The following AGBL1 variants were observed in gnomAD, a reference collection of about 807,000 sequenced individuals.
AGBL1 encodes AGBL carboxypeptidase 1.
Under a neutral mutation model 118.9 loss-of-function variants are expected in AGBL1, and 130 were observed. That is an observed-to-expected ratio of 1.09 (90% CI 0.95 to 1.26). The LOEUF (loss-of-function observed/expected upper bound fraction) is 1.26. Among genes scored for constraint, AGBL1 ranks in the 50% most tolerant of loss-of-function variants. The pLI, the probability that AGBL1 is intolerant of heterozygous loss-of-function variation, is 0.00. For synonymous variants in AGBL1, 555 were observed against 478.9 expected (o/e 1.16, Z -2.08); for missense variants, 1,584 against 1,298.1 (o/e 1.22, Z -3.38).
chr15:86,659,121 G>T (rs895034885), intron 21 of AGBL1, among the ~76,000 whole-genome samples: 1 of 152,046 alleles, frequency 6.6e-6, no homozygotes, highest in Non-Finnish European at 1.5e-5. Context: ...CCTAAAAAGG[G>T]TCATTGAAGG....
intron 22 of AGBL1, among the ~76,000 whole-genome samples, chr15:86,897,585 C>T (rs565189942): frequency 1.3e-5 from 2 of 151,514 alleles, no homozygotes; most frequent in South Asian, 4.2e-4. Flanking sequence ...TTTCTTATTC[C>T]TTGGATATGT....
intron 24 of AGBL1, among the ~76,000 whole-genome samples, chr15:86,999,027 C>T (rs1014595555): frequency 2.7e-5 from 4 of 150,850 alleles, no homozygotes; most frequent in Admixed American, 6.6e-5. Flanking sequence ...CATAGCAGGC[C>T]CTGGTGTGTG....
chr15:86,198,324 A>C (rs1201595902), intron 5 of AGBL1, among the ~76,000 whole-genome samples: 1 of 152,198 alleles, frequency 6.6e-6, no homozygotes, highest in African/African-American at 2.4e-5. Context: ...TTGTATTCTG[A>C]ATACAATTGT....
At chr15:86,471,418 G>A (rs7174126) in intron 18 of AGBL1, among the ~76,000 whole-genome samples, 1 of 151,184 alleles carries the variant, frequency 6.6e-6, no homozygotes, top group Admixed American at 6.6e-5. Flanking sequence ...GTGTTTGACT[G>A]TTTCAATGTG....
chr15:86,727,228 A>T (rs1314625976), intron 22 of AGBL1, among the ~76,000 whole-genome samples: 1 of 152,128 alleles, frequency 6.6e-6, no homozygotes, highest in Admixed American at 6.5e-5. Context: ...ACATCCTGCC[A>T]TACTCAGGGA....
chr15:86,552,494 C>G (rs1471162685), intron 20 of AGBL1, among the ~76,000 whole-genome samples: 2 of 152,122 alleles, frequency 1.3e-5, no homozygotes. Flanking sequence ...GATATGGAAA[C>G]AATATATTTA....
rs369498357 is a variant in AGBL1, at chr15:86,827,441, ATGTGTGTG to A, written c.3159-79644_3159-79637del. Among the ~76,000 whole-genome samples the A allele has an allele frequency of 6.6e-3, 53 of 7,982 alleles. 2 individuals carry two copies. The highest frequency in any genetic ancestry group is 0.031 in the East Asian group (2 of 64). The allele number at this position is 7,982 out of a possible 152,430, so 5.2% of individuals were successfully genotyped here. On this transcript the variant is annotated intron_variant, in intron 22 of 22. Transcript: ENST00000614907. ...TATATATATATATACACATATATAT[ATGTGTGTG>A]TATATATATATATATATATACATAT...
intron 22 of AGBL1, among the ~76,000 whole-genome samples, chr15:86,887,387 C>G (rs1246914245): frequency 1.3e-5 from 2 of 152,232 alleles, no homozygotes; most frequent in Non-Finnish European, 2.9e-5. Context: ...ACCTGCCTAA[C>G]TGCTCACATC....
intron 9 of AGBL1, among the ~76,000 whole-genome samples, chr15:86,260,262 T>C (rs962578977): frequency 6.6e-6 from 1 of 152,258 alleles, no homozygotes; most frequent in Non-Finnish European, 1.5e-5. Flanking sequence ...GCCACAGCAC[T>C]GATCCAGGCC....
At chr15:86,650,536 T>C (rs555558952) in intron 21 of AGBL1, among the ~76,000 whole-genome samples, 3 of 152,300 alleles carry the variant, frequency 2.0e-5, no homozygotes, top group Admixed American at 6.5e-5. Flanking sequence ...AAGTCCAACA[T>C]ACCTGTTTTT....
At chr15:86,341,598 G>A (rs1441436782) in intron 17 of AGBL1, among the ~76,000 whole-genome samples, 1 of 152,166 alleles carries the variant, frequency 6.6e-6, no homozygotes, top group East Asian at 1.9e-4. Flanking sequence ...GATTCCTCAT[G>A]TCTTCATTCT....
At chr15:86,155,201 C>T (rs1055096481) in intron 4 of AGBL1, among the ~76,000 whole-genome samples, 7 of 152,176 alleles carry the variant, frequency 4.6e-5, no homozygotes, top group African/African-American at 1.7e-4. Context: ...GGCATGGTGG[C>T]TCACGCCTGT....
intron 22 of AGBL1, among the ~76,000 whole-genome samples, chr15:86,747,410 A>T (rs143902201): frequency 2.1e-4 from 32 of 152,242 alleles, no homozygotes; most frequent in African/African-American, 7.0e-4. Context: ...AAACATACAA[A>T]ATTGCAAAAT....
At chr15:86,363,003 G>C (rs925200970) in intron 17 of AGBL1, among the ~76,000 whole-genome samples, 4 of 152,300 alleles carry the variant, frequency 2.6e-5, no homozygotes, top group Middle Eastern at 6.8e-3. Context: ...TGGCACATCA[G>C]GCTGGTTGCA....
chr15:86,681,483 A>G (rs914705025), intron 22 of AGBL1, among the ~76,000 whole-genome samples: 5 of 152,128 alleles, frequency 3.3e-5, no homozygotes, highest in African/African-American at 1.2e-4. Context: ...ATTCCCCTGA[A>G]GTGCACCACT....
intron 17 of AGBL1, among the ~76,000 whole-genome samples, chr15:86,335,902 A>G (rs1368554793): frequency 6.6e-6 from 1 of 152,186 alleles, no homozygotes; most frequent in South Asian, 2.1e-4. Flanking sequence ...CCTTCTCTGA[A>G]TAAGAACATG....
chr15:86,993,522 G>A (rs1255756842), intron 24 of AGBL1, among the ~76,000 whole-genome samples: 1 of 152,152 alleles, frequency 6.6e-6, no homozygotes, highest in African/African-American at 2.4e-5. Context: ...GTTATGGGTG[G>A]GGTAGTCACT....
intron 18 of AGBL1, among the ~76,000 whole-genome samples, chr15:86,448,207 G>A (rs1160362587): frequency 6.6e-6 from 1 of 152,194 alleles, no homozygotes; most frequent in Admixed American, 6.5e-5. Context: ...AAGGAAGTTA[G>A]AGGAGTAAGA....
At chr15:86,860,478 C>T (rs1428110865) in intron 22 of AGBL1, among the ~76,000 whole-genome samples, 1 of 151,482 alleles carries the variant, frequency 6.6e-6, no homozygotes, top group Non-Finnish European at 1.5e-5. Flanking sequence ...TTCCTCTTTC[C>T]TACCAGCTGA....
Sources: allele counts gnomAD v4.1 joint callset (sites outside exome capture counted in the v4.1 genomes callset), GRCh38; gene constraint gnomAD v4.1.1; transcripts MANE v1.5; gene names NCBI Gene and HGNC (gene_info 2026-07-23, HGNC 2026-07-21).